Variants in PITPNC1 observed in about 807,000 individuals in gnomAD.
PITPNC1 encodes cytoplasmic phosphatidylinositol transfer protein 1.
PITPNC1 carries 18 observed loss-of-function variants against 44.7 expected under a neutral mutation model. The ratio of observed to expected loss-of-function variants is 0.40; its 90% CI spans 0.28 to 0.60. PITPNC1 has a LOEUF of 0.60. Ranked by LOEUF, PITPNC1 falls within the 20% of genes least tolerant of loss-of-function variation. The pLI, the probability that PITPNC1 is intolerant of heterozygous loss-of-function variation, is 0.39. For missense variants in PITPNC1, 290 were observed against 418.4 expected, an observed-to-expected ratio of 0.69 and a Z score of 2.68; for synonymous variants, 141 against 149.6, an observed-to-expected ratio of 0.94 and a Z score of 0.42.
chr17:67,471,741 G>A (rs551194319), intron 1 of PITPNC1, among the ~76,000 whole-genome samples: 26 of 151,590 alleles, frequency 1.7e-4, no homozygotes, highest in African/African-American at 5.3e-4. Context: ...TGTTAATATC[G>A]TACTAATTAT....
intron 1 of PITPNC1, among the ~76,000 whole-genome samples, chr17:67,475,977 A>G (rs1015358245): frequency 6.6e-6 from 1 of 152,130 alleles, no homozygotes; most frequent in African/African-American, 2.4e-5. Flanking sequence ...TGCAGTCCTT[A>G]TTTGTGGAAT....
intron 1 of PITPNC1, among the ~76,000 whole-genome samples, chr17:67,438,678 C>T (rs986405142): frequency 6.6e-6 from 1 of 152,200 alleles, no homozygotes; most frequent in African/African-American, 2.4e-5. Context: ...TTTTACCATC[C>T]AGTTTTCTGG....
At chr17:67,589,604 CAA>C (rs10714478) in intron 5 of PITPNC1, among the ~76,000 whole-genome samples, 576 of 126,392 alleles carry the variant, frequency 4.6e-3, no homozygotes, top group Middle Eastern at 3.9e-3. Flanking sequence ...ATAATTGACT[CAA>C]AAAAAAAAAA....
chr17:67,606,303 A>G (rs1419144383), intron 5 of PITPNC1, among the ~76,000 whole-genome samples: 1 of 152,234 alleles, frequency 6.6e-6, no homozygotes, highest in African/African-American at 2.4e-5. Flanking sequence ...GGGGAAAAGC[A>G]TCTTTTCCTC....
At chr17:67,589,660 T>C (rs1163829084) in intron 5 of PITPNC1, among the ~76,000 whole-genome samples, 1 of 150,952 alleles carries the variant, frequency 6.6e-6, no homozygotes, top group Non-Finnish European at 1.5e-5. Flanking sequence ...AAAACAAGTA[T>C]TGGGTACAGG....
chr17:67,460,195 T>C (rs932896399), intron 1 of PITPNC1, among the ~76,000 whole-genome samples: 1 of 152,190 alleles, frequency 6.6e-6, no homozygotes, highest in Non-Finnish European at 1.5e-5. Context: ...CTCATTGATT[T>C]TCCATGCCTT....
chr17:67,566,450 C>T (rs1164350975), intron 4 of PITPNC1, among the ~76,000 whole-genome samples: 4 of 152,152 alleles, frequency 2.6e-5, no homozygotes, highest in Admixed American at 2.0e-4. Flanking sequence ...GTGATCCACC[C>T]GTGTCAGCCT....
intron 2 of PITPNC1, among the ~76,000 whole-genome samples, chr17:67,539,672 A>G (rs1309153796): frequency 1.3e-5 from 2 of 152,140 alleles, no homozygotes; most frequent in African/African-American, 4.8e-5. Flanking sequence ...CCCCGTCTCT[A>G]CTAAAAATAT....
intron 6 of PITPNC1, among the ~76,000 whole-genome samples, chr17:67,663,341 G>A (rs1004339887): frequency 3.9e-5 from 6 of 151,910 alleles, no homozygotes; most frequent in South Asian, 2.1e-4. Context: ...AGGCCGAGGC[G>A]GGTGGATCAC....
chr17:67,677,011 C>G (rs1255468110), intron 8 of PITPNC1, among the ~76,000 whole-genome samples: 1 of 152,084 alleles, frequency 6.6e-6, no homozygotes, highest in Non-Finnish European at 1.5e-5. Context: ...TCCCAGAGAC[C>G]TGTCTATTTC....
chr17:67,494,201 C>CTTTCTTTCTTTCTTTCTTTCTT (rs2039907433), intron 1 of PITPNC1, among the ~76,000 whole-genome samples: 2 of 145,684 alleles, frequency 1.4e-5, no homozygotes, highest in African/African-American at 5.2e-5. Flanking sequence ...TTCTTTCTTT[C>CTTTCTTTCTTTCTTTCTTTCTT]TTTCTTTCTT....
At chr17:67,460,455 A>G (rs1013333564) in intron 1 of PITPNC1, among the ~76,000 whole-genome samples, 4 of 149,824 alleles carry the variant, frequency 2.7e-5, no homozygotes, top group African/African-American at 9.8e-5. Context: ...ACAGAGTCTC[A>G]CTCTGTCAGC....
chr17:67,520,026 C>T (rs1158289837), intron 1 of PITPNC1, among the ~76,000 whole-genome samples: 1 of 152,180 alleles, frequency 6.6e-6, no homozygotes, highest in Non-Finnish European at 1.5e-5. Flanking sequence ...TTCCTTTACC[C>T]TCTGTTCTCA....
chr17:67,394,322 C>T (rs572633029), intron 1 of PITPNC1, among the ~76,000 whole-genome samples: 1 of 152,250 alleles, frequency 6.6e-6, no homozygotes, highest in Admixed American at 6.5e-5. Flanking sequence ...AGCCACCAAG[C>T]CTGGCCTTCT....
intron 2 of PITPNC1, among the ~76,000 whole-genome samples, chr17:67,537,069 C>G (rs1301837842): frequency 1.3e-5 from 2 of 152,096 alleles, no homozygotes; most frequent in East Asian, 3.8e-4. Context: ...AATAAAATAC[C>G]TCAGAGAAAA....
intron 5 of PITPNC1, among the ~76,000 whole-genome samples, chr17:67,588,084 ATC>A (rs1251630160): frequency 1.3e-5 from 2 of 152,078 alleles, no homozygotes; most frequent in Non-Finnish European, 2.9e-5. Flanking sequence ...CCTCACTACA[ATC>A]TCTACCTCTC....
At chr17:67,428,304 C>T (rs773748797) in intron 1 of PITPNC1, among the ~76,000 whole-genome samples, 3 of 151,864 alleles carry the variant, frequency 2.0e-5, no homozygotes, top group African/African-American at 7.3e-5. Context: ...TTTGGGAGGC[C>T]GAGGTGAGAG....
chr17:67,527,798 A>G (rs1293733758), intron 1 of PITPNC1, among the ~76,000 whole-genome samples: 1 of 152,138 alleles, frequency 6.6e-6, no homozygotes, highest in Non-Finnish European at 1.5e-5. Flanking sequence ...TAAGGCCAGG[A>G]GTTGGAGACT....
In PITPNC1 at chr17:67,692,848, T is replaced by C; in HGVS notation, c.959T>C (p.Met320Thr). The change falls in exon 9 of 9, where the codon ATG becomes ACG. Residue 320 changes from methionine (M) to threonine (T), a missense_variant. By Grantham distance (81) the Met-to-Thr change is moderately conservative (BLOSUM62 -1). Coordinates refer to ENST00000581322, the MANE Select transcript of PITPNC1 (RefSeq NM_012417.4). ...EKKATLNLPG[M>T]HSSDKPCRPK... is the part of the protein sequence containing the mutation. ...AAAGCCACCCTGAATTTACCCGGCA[T>C]GCACTCTTCAGATAAGCCATGTCGG... 1 of 1,613,634 alleles carries C rather than the reference T, an allele frequency of 6.2e-7. No homozygotes were observed. Among genetic ancestry groups the C allele is most frequent in the Non-Finnish European group, 8.5e-7 (1 of 1,179,564 alleles).
Sources: allele counts gnomAD v4.1 joint callset (sites outside exome capture counted in the v4.1 genomes callset), GRCh38; gene constraint gnomAD v4.1.1; transcripts MANE v1.5; gene names NCBI Gene and HGNC (gene_info 2026-07-23, HGNC 2026-07-21).